Variants in GMDS observed in about 807,000 individuals in gnomAD.
The protein encoded by GMDS is GDP-mannose 4,6-dehydratase.
Under a neutral mutation model 49.9 loss-of-function variants are expected in GMDS, and 20 were observed. The ratio of observed to expected loss-of-function variants is 0.40; its 90% CI spans 0.28 to 0.58. The LOEUF (loss-of-function observed/expected upper bound fraction) is 0.58, where lower values mean the gene tolerates loss of function less well. Ranked by LOEUF, GMDS falls within the 20% of genes least tolerant of loss-of-function variation. The pLI is 0.42. For synonymous variants in GMDS, 177 were observed against 178.6 expected, an observed-to-expected ratio of 0.99 and a Z score of 0.07; for missense variants, 362 against 481.4, an observed-to-expected ratio of 0.75 and a Z score of 2.32.
chr6:1,781,630 CCA>C (rs59170019), intron 7 of GMDS, among the ~76,000 whole-genome samples: 73,233 of 151,412 alleles, frequency 0.48, 18,347 homozygotes, highest in East Asian at 0.7. Flanking sequence ...GATGGCTCTT[CCA>C]CACATGGCCT....
intron 4 of GMDS, among the ~76,000 whole-genome samples, chr6:2,055,035 C>G (rs540079509): frequency 6.6e-6 from 1 of 152,098 alleles, no homozygotes; most frequent in South Asian, 2.1e-4. Context: ...AATTCTAAAA[C>G]TAAACAACAT....
At chr6:2,167,479 T>C (rs896030840) in intron 1 of GMDS, among the ~76,000 whole-genome samples, 3 of 152,180 alleles carry the variant, frequency 2.0e-5, no homozygotes, top group African/African-American at 4.8e-5. Context: ...ACCAGAATGA[T>C]CTAAAAGCTA....
rs571408625 is a variant in GMDS at position 1,951,430 on chromosome 6, A to C, written c.643+8437T>G. Among the ~76,000 whole-genome samples, 48 of 152,374 alleles carry C rather than the reference A, an allele frequency of 3.2e-4. 1 individual carries two copies. The South Asian group carries it at 9.7e-3, about 31-fold the overall frequency. On this transcript the variant is annotated intron_variant, in intron 6 of 10. Transcript: ENST00000380815. ...AAGCCCATATTTAAAGGAATGTCCT[A>C]TCTCATCTAGAAATGGCTCAGTATC... is the stretch of plus-strand genomic sequence containing the variant.
intron 7 of GMDS, among the ~76,000 whole-genome samples, chr6:1,857,320 G>A (rs193266571): frequency 3.3e-4 from 51 of 152,340 alleles, no homozygotes; most frequent in African/African-American, 1.2e-3. Context: ...ATAAAGGGAA[G>A]CACAGGATTA....
chr6:1,683,755 T>A (rs999169647), intron 9 of GMDS, among the ~76,000 whole-genome samples: 1 of 152,230 alleles, frequency 6.6e-6, no homozygotes, highest in African/African-American at 2.4e-5. Flanking sequence ...CACGTTCAAC[T>A]TTTCATAACT....
intron 7 of GMDS, among the ~76,000 whole-genome samples, chr6:1,877,629 C>A (rs914601087): frequency 6.7e-5 from 9 of 135,116 alleles, no homozygotes; most frequent in Non-Finnish European, 1.2e-4. Flanking sequence ...CAGAGTGAGA[C>A]CCCATCTCAA....
chr6:2,083,141 A>G (rs1772810531), intron 4 of GMDS, among the ~76,000 whole-genome samples: 1 of 152,242 alleles, frequency 6.6e-6, no homozygotes, highest in African/African-American at 2.4e-5. Flanking sequence ...GTAAAATCAG[A>G]CAGTGGGATT....
chr6:1,853,146 T>A (rs1336946341), intron 7 of GMDS, among the ~76,000 whole-genome samples: 1 of 151,978 alleles, frequency 6.6e-6, no homozygotes, highest in Non-Finnish European at 1.5e-5. Flanking sequence ...TACAAGAAAC[T>A]CTGAAAAGTA....
intron 7 of GMDS, among the ~76,000 whole-genome samples, chr6:1,894,013 G>A (rs2113846029): frequency 6.6e-6 from 1 of 152,220 alleles, no homozygotes; most frequent in African/African-American, 2.4e-5. Context: ...GGCACAGTTG[G>A]GAAAGTCAAT....
chr6:1,981,563 T>G (rs781444334), intron 4 of GMDS, among the ~76,000 whole-genome samples: 2 of 152,128 alleles, frequency 1.3e-5, no homozygotes, highest in East Asian at 1.9e-4. Flanking sequence ...CAGGACCAGA[T>G]AGATTCACAG....
chr6:1,945,830 G>A (rs112598854), intron 6 of GMDS, among the ~76,000 whole-genome samples: 32 of 152,250 alleles, frequency 2.1e-4, no homozygotes, highest in African/African-American at 2.6e-4. Context: ...ACAGAAAAGC[G>A]GACTTAACAA....
intron 1 of GMDS, among the ~76,000 whole-genome samples, chr6:2,197,707 T>C (rs747937517): frequency 6.6e-6 from 1 of 152,160 alleles, no homozygotes; most frequent in Non-Finnish European, 1.5e-5. Flanking sequence ...CAGGATAATA[T>C]GGCTTTAATT....
chr6:1,826,843 G>T (rs770979876), intron 7 of GMDS, among the ~76,000 whole-genome samples: 8 of 151,928 alleles, frequency 5.3e-5, no homozygotes, highest in Non-Finnish European at 8.8e-5. Context: ...GAGGTGGGAG[G>T]ATCACTTGAG....
At chr6:2,135,344 CGTGA>C (rs1268936190) in intron 1 of GMDS, among the ~76,000 whole-genome samples, 2 of 152,020 alleles carry the variant, frequency 1.3e-5, no homozygotes, top group Non-Finnish European at 2.9e-5. Context: ...TTTGTGTATC[CGTGA>C]GTGAGTGTGT....
intron 9 of GMDS, among the ~76,000 whole-genome samples, chr6:1,688,849 T>A (rs886501862): frequency 4.6e-5 from 7 of 152,360 alleles, no homozygotes; most frequent in African/African-American, 1.2e-4. Context: ...TTTATTTTTT[T>A]AAAGTCAGCT....
intron 4 of GMDS, among the ~76,000 whole-genome samples, chr6:1,977,654 T>C (rs1764984142): frequency 6.6e-6 from 1 of 152,114 alleles, no homozygotes; most frequent in African/African-American, 2.4e-5. Context: ...CCTAGGGGCA[T>C]CATGGAGGCA....
intron 7 of GMDS, among the ~76,000 whole-genome samples, chr6:1,838,324 A>G (rs748950956): frequency 7.9e-5 from 12 of 152,240 alleles, no homozygotes; most frequent in African/African-American, 1.4e-4. Flanking sequence ...TTAAAAGTCT[A>G]ATTAAGGCAA....
intron 7 of GMDS, among the ~76,000 whole-genome samples, chr6:1,810,924 T>C (rs1276071435): frequency 6.6e-6 from 1 of 152,182 alleles, no homozygotes; most frequent in Non-Finnish European, 1.5e-5. Flanking sequence ...CCTTGTGGCA[T>C]TTTCTGTGGA....
intron 9 of GMDS, among the ~76,000 whole-genome samples, chr6:1,647,304 G>A (rs952784355): frequency 6.6e-6 from 1 of 152,114 alleles, no homozygotes; most frequent in Non-Finnish European, 1.5e-5. Context: ...CAGGGCATTC[G>A]GAGTTTCACT....
Sources: gnomAD v4.1 joint callset for allele counts (sites outside exome capture counted in the v4.1 genomes callset) on GRCh38, gnomAD v4.1.1 for gene constraint, MANE v1.5 for transcripts, NCBI Gene and HGNC (gene_info 2026-07-23, HGNC 2026-07-21) for gene names.